CAPN8: variants seen among roughly 807,000 people sequenced by gnomAD.
CAPN8 encodes the protein calpain 8.
A neutral mutation model predicts 80.9 loss-of-function variants in CAPN8; 87 were observed. The observed-to-expected ratio is 1.07, with a 90% CI of 0.90 to 1.28. The LOEUF is 1.28. CAPN8 is among the 50% of genes most tolerant of loss of function. The pLI, the probability that CAPN8 is intolerant of heterozygous loss-of-function variation, is 0.00. For synonymous variants in CAPN8, 299 were observed against 273.8 expected (o/e 1.09, Z -0.91); for missense variants, 757 against 702.0 (o/e 1.08, Z -0.89).
At chr1:223,549,742 G>A (rs1376924542) in intron 15 of CAPN8, among the ~76,000 whole-genome samples, 1 of 152,208 alleles carries the variant, frequency 6.6e-6, no homozygotes, top group Non-Finnish European at 1.5e-5. Flanking sequence ...GACTGGCTGG[G>A]TATTAACTGA....
chr1:223,551,672 G>A (rs551984795), intron 14 of CAPN8, among the ~76,000 whole-genome samples: 51 of 152,326 alleles, frequency 3.3e-4, no homozygotes, highest in African/African-American at 1.1e-3. Flanking sequence ...GAGCCAGTGT[G>A]GAAGATCCTT....
intron 10 of CAPN8, among the ~76,000 whole-genome samples, chr1:223,614,801 G>T (rs760180837): frequency 9.2e-5 from 14 of 152,284 alleles, no homozygotes; most frequent in Non-Finnish European, 1.8e-4. Context: ...GAATTGATGC[G>T]CATACACTAA....
intron 2 of CAPN8, among the ~76,000 whole-genome samples, chr1:223,631,015 G>A (rs574546218): frequency 3.9e-5 from 6 of 152,028 alleles, no homozygotes; most frequent in Non-Finnish European, 8.8e-5. Context: ...AACCTAACAG[G>A]GCATCAACAC....
chr1:223,637,369 CT>C (rs1459974360), intron 2 of CAPN8, among the ~76,000 whole-genome samples: 1 of 152,162 alleles, frequency 6.6e-6, no homozygotes, highest in Non-Finnish European at 1.5e-5. Flanking sequence ...CTGGTAACGC[CT>C]GGCTCCAGCT....
chr1:223,656,004 C>T (rs548789107), intron 1 of CAPN8, among the ~76,000 whole-genome samples: 1 of 152,116 alleles, frequency 6.6e-6, no homozygotes, highest in Non-Finnish European at 1.5e-5. Context: ...GGAGGGTGGG[C>T]TGAGGGCAGA....
At chr1:223,546,596 C>G (rs1656627640) in intron 16 of CAPN8, among the ~76,000 whole-genome samples, 1 of 152,186 alleles carries the variant, frequency 6.6e-6, no homozygotes, top group African/African-American at 2.4e-5. Flanking sequence ...GAAGCTAACA[C>G]TCGGGGCTAG....
chr1:223,654,060 G>T (rs1658412558), intron 2 of CAPN8, among the ~76,000 whole-genome samples: 1 of 152,138 alleles, frequency 6.6e-6, no homozygotes, highest in Non-Finnish European at 1.5e-5. Context: ...TGTAATCCTG[G>T]CTCCTTGCTC....
chr1:223,556,209 G>T (rs977958386), intron 13 of CAPN8, among the ~76,000 whole-genome samples: 3 of 152,138 alleles, frequency 2.0e-5, no homozygotes, highest in Non-Finnish European at 4.4e-5. Context: ...GGAGATTTCT[G>T]CAGGGAATAA....
At chr1:223,645,523 T>C (rs1331492637) in intron 2 of CAPN8, among the ~76,000 whole-genome samples, 1 of 152,130 alleles carries the variant, frequency 6.6e-6, no homozygotes, top group Non-Finnish European at 1.5e-5. Flanking sequence ...AAATGGGATT[T>C]GAGGAAATAC....
intron 19 of CAPN8, 133 bp downstream of exon 19, chr1:223,543,934 A>G (rs1656542530): frequency 3.2e-6 from 2 of 618,086 alleles, no homozygotes; most frequent in Non-Finnish European, 5.9e-6. Context: ...CCAGCATTCC[A>G]GAAGCCCTGT....
Position 223,665,561 on chromosome 1 carries a change from C to A in CAPN8, c.86G>T (p.Gly29Val), listed in dbSNP as rs900264697. 6.4e-7 allele frequency: 1 copy of A among 1,551,546 alleles called. No homozygotes were observed. Among genetic ancestry groups the A allele is most frequent in the African/African-American group, 1.4e-5 (1 of 73,030 alleles). ...GSNQNALKYLGQDFKTLRQQC... is the reference protein window; with the variant it reads ...GSNQNALKYLVQDFKTLRQQC... ...TTGCCTCAGGGTCTTGAAATCCTGG[C>A]CCAAGTACTTCAAAGCGTTTTGGTT... The change falls in exon 1 of 21, where the codon GGC (glycine) becomes GTC (valine). Residue 29 changes from glycine to valine, a missense_variant. Transcript: ENST00000366872.
intron 10 of CAPN8, among the ~76,000 whole-genome samples, chr1:223,614,149 C>T (rs975209158): frequency 2.0e-5 from 3 of 152,208 alleles, no homozygotes; most frequent in Admixed American, 6.5e-5. Flanking sequence ...CTTTAATGCC[C>T]GCACTTTGGG....
chr1:223,655,205 T>C (rs1454577013), intron 1 of CAPN8, among the ~76,000 whole-genome samples: 2 of 152,212 alleles, frequency 1.3e-5, no homozygotes, highest in Non-Finnish European at 2.9e-5. Flanking sequence ...CGTTAAAGTC[T>C]TGACTAAATG....
chr1:223,611,980 A>G (rs1349406441), intron 11 of CAPN8, among the ~76,000 whole-genome samples: 1 of 152,208 alleles, frequency 6.6e-6, no homozygotes, highest in Non-Finnish European at 1.5e-5. Context: ...GCCCATTGGA[A>G]TCACCTTGTT....
chr1:223,635,112 T>C (rs554631859), intron 2 of CAPN8, among the ~76,000 whole-genome samples: 2 of 152,354 alleles, frequency 1.3e-5, no homozygotes, highest in South Asian at 4.1e-4. Flanking sequence ...TAATATATGC[T>C]TGTTTTTTAA....
In CAPN8 at chr1:223,616,096, A is replaced by C; in HGVS notation, c.1185T>G (p.Asp395Glu). ...PQFKIRLDEV[D>E]EDQEESIGEP... ...CACCGATGCTCTCCTCCTGGTCCTC[A>C]TCCACTTCATCCAAACGGATTTTGA... Residue 395 changes from aspartate (D) to glutamate (E), a missense_variant, in exon 10 of 21, where the codon GAT becomes GAG. Coordinates refer to ENST00000366872, the MANE Select transcript of CAPN8 (RefSeq NM_001143962.2). The C allele has an allele frequency of 1.3e-6, 2 of 1,551,898 alleles. No homozygotes were observed. Among genetic ancestry groups the C allele is most frequent in the Non-Finnish European group, 1.7e-6 (2 of 1,146,996 alleles).
chr1:223,654,501 A>T lies in CAPN8; in HGVS notation c.238-102T>A, dbSNP rs1053252483. On this transcript the variant is annotated intron_variant, in intron 1 of 20. Transcript: ENST00000366872. ...GTCCCAGGTTGCAGAGCTGGAAGAAACCCAGGATTGTCTACTGCCCATCAC... is the reference window on the plus strand; with the variant it reads ...GTCCCAGGTTGCAGAGCTGGAAGAATCCCAGGATTGTCTACTGCCCATCAC... 8 of 1,034,512 alleles carry T rather than the reference A, an allele frequency of 7.7e-6. No homozygotes were observed. In the African/African-American group the frequency reaches 1.3e-4, roughly 17 times the overall value. 64.1% of individuals were successfully genotyped at this position (1,034,512 alleles called of 1,614,324 possible). A position where few individuals can be genotyped will look rare whatever the true frequency, so the allele number is the denominator to read the frequency against.
At chr1:223,637,434 C>T (rs936417449) in intron 2 of CAPN8, among the ~76,000 whole-genome samples, 1 of 152,198 alleles carries the variant, frequency 6.6e-6, no homozygotes, top group African/African-American at 2.4e-5. Flanking sequence ...GTCACCTGCT[C>T]CCCTGATTCC....
At chr1:223,627,853 C>T (rs965887695) in intron 4 of CAPN8, among the ~76,000 whole-genome samples, 156 bp downstream of exon 4, 1 of 152,166 alleles carries the variant, frequency 6.6e-6, no homozygotes, top group East Asian at 1.9e-4. Flanking sequence ...CTCTTAGTTA[C>T]TGAAAAATGC....
Sources: gnomAD v4.1 joint callset for allele counts (sites outside exome capture counted in the v4.1 genomes callset) on GRCh38, gnomAD v4.1.1 for gene constraint, MANE v1.5 for transcripts, NCBI Gene and HGNC (gene_info 2026-07-23, HGNC 2026-07-21) for gene names.